The following BST1 variants were observed in gnomAD, a reference collection of about 807,000 sequenced individuals.
BST1 encodes the protein ADP-ribosyl cyclase/cyclic ADP-ribose hydrolase 2.
A neutral mutation model predicts 40.6 loss-of-function variants in BST1; 49 were observed. The ratio of observed to expected loss-of-function variants is 1.21; its 90% confidence interval spans 0.96 to 1.53. BST1 has a LOEUF of 1.53. BST1 is among the 40% of genes most tolerant of loss of function. The pLI is 0.00. For missense variants in BST1, 423 were observed against 395.9 expected, an observed-to-expected ratio of 1.07 and a Z score of -0.58; for synonymous variants, 157 against 159.3, an observed-to-expected ratio of 0.99 and a Z score of 0.11.
intron 3 of BST1, among the ~76,000 whole-genome samples, chr4:15,710,437 A>C (rs1720128618): frequency 6.6e-6 from 1 of 152,222 alleles, no homozygotes; most frequent in African/African-American, 2.4e-5. Context: ...CTTTGTGGTG[A>C]GACATTCAAA....
chr4:15,729,330 C>T (rs1721270289), intron 8 of BST1, among the ~76,000 whole-genome samples: 1 of 152,208 alleles, frequency 6.6e-6, no homozygotes. Context: ...TTGGTGTGCA[C>T]CTATGGTCCC....
chr4:15,749,333 C>T, the BST1 span, among the ~76,000 whole-genome samples: 25 of 152,260 alleles, frequency 1.6e-4, no homozygotes, highest in Middle Eastern at 3.4e-3. Flanking sequence ...CTTTCTGCTA[C>T]GAGCGGGTTT....
intron 4 of BST1, among the ~76,000 whole-genome samples, chr4:15,712,595 C>G (rs2148882938): frequency 6.6e-6 from 1 of 152,320 alleles, no homozygotes; most frequent in South Asian, 2.1e-4. Flanking sequence ...AACCCCCTTT[C>G]AGGACTATCC....
downstream of BST1, among the ~76,000 whole-genome samples, chr4:15,740,907 G>T (rs1032284622): frequency 3.3e-5 from 5 of 151,918 alleles, no homozygotes; most frequent in Admixed American, 2.0e-4. Flanking sequence ...TGCTGGCCAT[G>T]CAACCTCTGT....
In BST1 at chr4:15,703,288, G is replaced by A. The variant is rs1719647668; in HGVS notation, c.144G>A (p.Leu48=). ...GCGCACACTTGCGGGACATCTTCCT[G>A]GGCCGCTGCGCCGAGTACCGCGCAC... is the stretch of plus-strand genomic sequence containing the variant. ...GTSAHLRDIF[L]GRCAEYRALL... The change falls in exon 1 of 9, where the codon CTG becomes CTA. Residue 48 remains leucine, a synonymous_variant. Coordinates refer to ENST00000265016, the MANE Select transcript of BST1 (RefSeq NM_004334.3). 6 of 1,534,052 alleles carry A rather than the reference G, an allele frequency of 3.9e-6. No homozygotes were observed. The highest frequency in any genetic ancestry group is 5.2e-6 in the Non-Finnish European group (6 of 1,146,146).
downstream of BST1, among the ~76,000 whole-genome samples, chr4:15,733,811 C>T (rs1224962243): frequency 1.3e-5 from 2 of 152,170 alleles, no homozygotes; most frequent in Admixed American, 6.5e-5. Flanking sequence ...CACCAGACCC[C>T]ACCTTCAACA....
chr4:15,709,683 A>G (rs1280445952), intron 3 of BST1, among the ~76,000 whole-genome samples: 1 of 152,210 alleles, frequency 6.6e-6, no homozygotes, highest in African/African-American at 2.4e-5. Context: ...GAAAGAAGTG[A>G]AGTCCAGCAG....
intron 2 of BST1, among the ~76,000 whole-genome samples, chr4:15,706,943 G>A (rs1460393087): frequency 6.6e-6 from 1 of 152,186 alleles, no homozygotes; most frequent in East Asian, 1.9e-4. Context: ...ACTACTGAGG[G>A]TCAGATGAAA....
intron 8 of BST1, among the ~76,000 whole-genome samples, chr4:15,728,449 C>CTTTT (rs974237825): frequency 2.5e-5 from 3 of 119,596 alleles, no homozygotes; most frequent in Admixed American, 8.9e-5. Flanking sequence ...AATTCTTTTT[C>CTTTT]TTTTTTTTTT....
intron 1 of BST1, among the ~76,000 whole-genome samples, 183 bp from the exon 2 acceptor site, chr4:15,705,332 A>G (rs1719819064): frequency 6.6e-6 from 1 of 152,036 alleles, no homozygotes; most frequent in African/African-American, 2.4e-5. Context: ...CAGAGAGACA[A>G]TTCCAGTGTC....
At chr4:15,758,692 C>T in the BST1 span, among the ~76,000 whole-genome samples, 3 of 152,194 alleles carry the variant, frequency 2.0e-5, no homozygotes, top group South Asian at 6.2e-4. Context: ...TTCATCATCT[C>T]CCTAACACCC....
chr4:15,727,681 A>G (rs1002550615), intron 8 of BST1, among the ~76,000 whole-genome samples: 6 of 152,158 alleles, frequency 3.9e-5, no homozygotes, highest in Non-Finnish European at 5.9e-5. Context: ...TGGGAAAACA[A>G]TTTGACAATA....
At chr4:15,753,814 G>A in the BST1 span, among the ~76,000 whole-genome samples, 1 of 152,230 alleles carries the variant, frequency 6.6e-6, no homozygotes, top group Non-Finnish European at 1.5e-5. Flanking sequence ...GATGTGTACA[G>A]AGATGCACCA....
At chr4:15,755,607 G>A in the BST1 span, among the ~76,000 whole-genome samples, 1 of 152,240 alleles carries the variant, frequency 6.6e-6, no homozygotes, top group African/African-American at 2.4e-5. Context: ...CTGTAGTTTA[G>A]CAATGAATTG....
chr4:15,711,761 A>G (rs772416271), intron 3 of BST1, 46 bp from the exon 4 acceptor site: 1 of 1,424,226 alleles, frequency 7.0e-7, no homozygotes, highest in Non-Finnish European at 9.9e-7. Context: ...CTTCTCTGAG[A>G]TAGATAATCT....
the BST1 span, among the ~76,000 whole-genome samples, chr4:15,772,720 A>G: frequency 6.6e-6 from 1 of 152,218 alleles, no homozygotes; most frequent in Non-Finnish European, 1.5e-5. Context: ...GTGGGGTTAG[A>G]AAAGGCTTCC....
the BST1 span, among the ~76,000 whole-genome samples, chr4:15,768,619 G>C: frequency 5.3e-5 from 8 of 150,044 alleles, no homozygotes; most frequent in Admixed American, 2.0e-4. Context: ...TCAGCCTCCC[G>C]AGTAGCTGGG....
At chr4:15,756,414 C>G in the BST1 span, among the ~76,000 whole-genome samples, 1 of 152,122 alleles carries the variant, frequency 6.6e-6, no homozygotes, top group African/African-American at 2.4e-5. Context: ...ATGCCAATGG[C>G]AGGTCTGGGG....
At chr4:15,762,923 A>C in the BST1 span, among the ~76,000 whole-genome samples, 1 of 152,112 alleles carries the variant, frequency 6.6e-6, no homozygotes, top group Admixed American at 6.5e-5. Context: ...GTATATATGT[A>C]CCACAATTTC....
Sources: allele counts gnomAD v4.1 joint callset (sites outside exome capture counted in the v4.1 genomes callset), GRCh38; gene constraint gnomAD v4.1.1; transcripts MANE v1.5; gene names NCBI Gene and HGNC (gene_info 2026-07-23, HGNC 2026-07-21).